Variants in PCLO observed in about 807,000 individuals in gnomAD.
PCLO encodes piccolo presynaptic cytomatrix protein, also known as protein piccolo.
Under a neutral mutation model 427.5 loss-of-function variants are expected in PCLO, and 82 were observed. The ratio of observed to expected loss-of-function variants is 0.19; its 90% CI spans 0.16 to 0.23. The LOEUF (loss-of-function observed/expected upper bound fraction) is 0.23. Among genes scored for constraint, PCLO ranks in the 10% least tolerant of loss-of-function variants. The pLI is 1.00. For synonymous variants in PCLO, 2,357 were observed against 2,155.4 expected, an observed-to-expected ratio of 1.09 and a Z score of -2.59; for missense variants, 6,239 against 6,115.9, an observed-to-expected ratio of 1.02 and a Z score of -0.67.
At chr7:83,084,751 C>T (rs1033712135) in intron 3 of PCLO, among the ~76,000 whole-genome samples, 1 of 152,080 alleles carries the variant, frequency 6.6e-6, no homozygotes, top group Non-Finnish European at 1.5e-5. Context: ...GAGATTTGTA[C>T]ACATCTTCTT....
chr7:82,973,225 C>T (rs968672067), intron 3 of PCLO, among the ~76,000 whole-genome samples: 6 of 151,914 alleles, frequency 3.9e-5, no homozygotes, highest in African/African-American at 1.2e-4. Context: ...ATGCTTACTC[C>T]GTCCCTTCAA....
Position 83,135,108 on chromosome 7 carries a change from G to A in PCLO, c.2442C>T (p.Ser814=). 5.0e-6 allele frequency: 8 copies of A among 1,613,892 alleles called. No individual in the cohort carries two copies. Among genetic ancestry groups the A allele is most frequent in the South Asian group, 1.1e-5 (1 of 91,074 alleles). Residue 814 remains serine (S), a synonymous_variant, in exon 3 of 25, where the codon AGC becomes AGT. Transcript: ENST00000333891. ...GAGGTATGGCTTTAGAATCAAATGG[G>A]CTGACTTTTTCCCCTGTTGGTGGAA... ...QSFPPTGEKV[S]PFDSKAIPRP...
At chr7:83,119,070 A>T (rs1303681753) in intron 3 of PCLO, among the ~76,000 whole-genome samples, 1 of 152,058 alleles carries the variant, frequency 6.6e-6, no homozygotes, top group Non-Finnish European at 1.5e-5. Context: ...CCAGGTCCTA[A>T]CTCCTGGATG....
At position 82,754,193 on chromosome 7, in the gene PCLO, G is replaced by A. The variant is rs959528543; in HGVS notation, c.*4382C>T. 2 of 151,728 alleles carry A rather than the reference G, an allele frequency of 1.3e-5. No individual in the cohort carries two copies. The highest frequency in any genetic ancestry group is 2.9e-5 in the Non-Finnish European group (2 of 67,944). The allele number at this position is 151,728 out of a possible 1,614,324, so 9.4% of individuals were successfully genotyped here. On this transcript the variant is annotated 3_prime_UTR_variant, in exon 25 of 25. Coordinates refer to ENST00000333891, the MANE Select transcript of PCLO (RefSeq NM_033026.6). Reference sequence around the variant, plus strand: ...AAATGCAACTCTCATGTATTTTCAGGTCAATTTATACAGTCCTTAGTCCAA... The same window carrying A: ...AAATGCAACTCTCATGTATTTTCAGATCAATTTATACAGTCCTTAGTCCAA...
At chr7:82,899,899 T>C (rs1482148815) in intron 9 of PCLO, among the ~76,000 whole-genome samples, 1 of 151,624 alleles carries the variant, frequency 6.6e-6, no homozygotes, top group Non-Finnish European at 1.5e-5. Flanking sequence ...TAGATTCTGA[T>C]GATTTAGGAA....
Position 82,951,219 on chromosome 7 carries a change from C to A in PCLO, c.9369G>T (p.Thr3123=). ...CAGGTAATGAAGTCACTGCATCAGC[C>A]GTATGAATACCAGACAAATCCCTCA... ...TTVRDLSGIH[T]ADAVTSLPAM... is the part of the protein sequence containing the mutation. Residue 3123 remains threonine, a synonymous_variant, in exon 6 of 25, where the codon ACG becomes ACT. Transcript: ENST00000333891. 5 of 1,613,550 alleles carry A rather than the reference C, an allele frequency of 3.1e-6. No individual in the cohort carries two copies. Among genetic ancestry groups the A allele is most frequent in the Non-Finnish European group, 3.4e-6 (4 of 1,179,728 alleles).
chr7:83,025,437 A>G (rs1259458417), intron 3 of PCLO, among the ~76,000 whole-genome samples: 1 of 151,306 alleles, frequency 6.6e-6, no homozygotes, highest in East Asian at 1.9e-4. Context: ...AAAGCCTCCA[A>G]GAAATATGGG....
chr7:82,809,228 A>G (rs1324030441), intron 20 of PCLO, among the ~76,000 whole-genome samples: 2 of 151,838 alleles, frequency 1.3e-5, no homozygotes, highest in Non-Finnish European at 2.9e-5. Context: ...GCCTCTCAAA[A>G]GAGTTTTTTA....
At chr7:82,909,650 A>G (rs1400823488) in intron 7 of PCLO, among the ~76,000 whole-genome samples, 1 of 152,154 alleles carries the variant, frequency 6.6e-6, no homozygotes, top group African/African-American at 2.4e-5. Flanking sequence ...TTTTTTGAAA[A>G]TACGACATTT....
At chr7:83,006,754 T>C (rs1787956013) in intron 3 of PCLO, among the ~76,000 whole-genome samples, 1 of 151,462 alleles carries the variant, frequency 6.6e-6, no homozygotes, top group South Asian at 2.1e-4. Flanking sequence ...AAAGTCTCTA[T>C]AATATTTATT....
At chr7:82,890,106 A>C (rs1208281229) in intron 9 of PCLO, among the ~76,000 whole-genome samples, 1 of 151,928 alleles carries the variant, frequency 6.6e-6, no homozygotes, top group Non-Finnish European at 1.5e-5. Flanking sequence ...AAAAAGGTTG[A>C]GAATGATACA....
At chr7:82,813,647 T>C (rs945803586) in intron 20 of PCLO, among the ~76,000 whole-genome samples, 3 of 151,770 alleles carry the variant, frequency 2.0e-5, no homozygotes, top group Non-Finnish European at 4.4e-5. Flanking sequence ...GTAATATTTG[T>C]CTATTTTGTT....
In PCLO at chr7:82,956,361, G is replaced by C. The variant is rs780118068; in HGVS notation, c.4592C>G (p.Thr1531Ser). The C allele has an allele frequency of 1.2e-6, 2 of 1,613,232 alleles. No individual in the cohort carries two copies. Among genetic ancestry groups the C allele is most frequent in the Non-Finnish European group, 1.7e-6 (2 of 1,179,840 alleles). Residue 1531 changes from threonine (T) to serine (S), a missense_variant, in exon 5 of 25, where the codon ACT becomes AGT. Thr to Ser is a moderately conservative substitution (Grantham distance 58, BLOSUM62 1). This residue lies in a region of PCLO where 4,677 missense variants were observed against 4,468.4 expected (regional missense o/e 1.05). Coordinates refer to ENST00000333891, the MANE Select transcript of PCLO (RefSeq NM_033026.6). ...ATCACTGCTTGATGAGCCAACACTA[G>C]TTCTTCGTTTTCTTTGTGGAACAGG... ...NSPVPQRKRR[T>S]SVGSSSSDEY...
chr7:82,794,166 C>T lies in PCLO; in HGVS notation c.15007+7352G>A, dbSNP rs529905012. Among the ~76,000 whole-genome samples, 118 of 152,104 alleles carry T rather than the reference C, an allele frequency of 7.8e-4. 1 individual carries two copies. Among genetic ancestry groups the T allele is most frequent in the Middle Eastern group, 3.4e-3 (1 of 294 alleles). On this transcript the variant is annotated intron_variant, in intron 22 of 24. Transcript: ENST00000333891. ...TCTGGAGAAACCTTTAGCATCTTCT[C>T]TACGTTTTCTGTTTTCTGAATTATT... is the stretch of plus-strand genomic sequence containing the variant.
intron 21 of PCLO, among the ~76,000 whole-genome samples, chr7:82,803,206 TCTTA>T (rs2129468746): frequency 6.6e-6 from 1 of 152,200 alleles, no homozygotes; most frequent in South Asian, 2.1e-4. Flanking sequence ...ATAGCAGTAA[TCTTA>T]CTTTTATCAG....
chr7:82,986,522 T>C (rs1340193956), intron 3 of PCLO, among the ~76,000 whole-genome samples: 2 of 151,976 alleles, frequency 1.3e-5, no homozygotes, highest in African/African-American at 4.8e-5. Flanking sequence ...AATTATTCAT[T>C]TAAAATAACT....
Position 82,868,275 on chromosome 7 carries a change from G to A in PCLO, c.13654+11062C>T, listed in dbSNP as rs1388471440. 3.5e-5 allele frequency: 16 copies of A among 454,940 alleles called. No homozygotes were observed. The Admixed American group carries it at 3.8e-4, about 11-fold the overall frequency. 28.2% of individuals were successfully genotyped at this position (454,940 alleles called of 1,614,324 possible). On this transcript the variant is annotated intron_variant, in intron 10 of 24. Coordinates refer to ENST00000333891, the MANE Select transcript of PCLO (RefSeq NM_033026.6). ...GCATTCTTCCTTATGTTATGCTGGA[G>A]TGCGTCCTCTGTCCTCTAGTAATGC...
At chr7:82,988,562 A>C (rs1240861421) in intron 3 of PCLO, among the ~76,000 whole-genome samples, 1 of 87,048 alleles carries the variant, frequency 1.1e-5, no homozygotes, top group Non-Finnish European at 2.3e-5. Flanking sequence ...ATTTAACCTT[A>C]TAACATGAGT....
At chr7:83,042,810 C>A (rs10281490) in intron 3 of PCLO, among the ~76,000 whole-genome samples, 3 of 152,142 alleles carry the variant, frequency 2.0e-5, no homozygotes, top group African/African-American at 4.8e-5. Flanking sequence ...TGCAGTCAGC[C>A]GAGATGGCAC....
Sources: gnomAD v4.1 joint callset for allele counts (sites outside exome capture counted in the v4.1 genomes callset) on GRCh38, gnomAD v4.1.1 for gene constraint, gnomAD v4.1.1 regional missense constraint, MANE v1.5 for transcripts, NCBI Gene and HGNC (gene_info 2026-07-23, HGNC 2026-07-21) for gene names.